Variants in ZNF606 observed in about 807,000 individuals in gnomAD.
ZNF606 encodes the protein zinc finger protein 606.
Under a neutral mutation model 74.9 loss-of-function variants are expected in ZNF606, and 37 were observed. The ratio of observed to expected loss-of-function variants is 0.49; its 90% confidence interval spans 0.38 to 0.65. ZNF606 has a LOEUF of 0.65. ZNF606 is among the 30% of genes least tolerant of loss of function. The pLI, the probability that ZNF606 is intolerant of heterozygous loss-of-function variation, is 0.00. For synonymous variants in ZNF606, 328 were observed against 312.4 expected (o/e 1.05, Z -0.53); for missense variants, 852 against 952.9 (o/e 0.89, Z 1.39).
intron 4 of ZNF606, among the ~76,000 whole-genome samples, chr19:57,996,219 G>A (rs746085555): frequency 6.6e-6 from 1 of 152,202 alleles, no homozygotes; most frequent in African/African-American, 2.4e-5. Flanking sequence ...GATGGTAAGG[G>A]GACTGGGCAC....
chr19:57,995,241 CTTCTAGGGG>C (rs2073318143), intron 4 of ZNF606, among the ~76,000 whole-genome samples: 2 of 150,272 alleles, frequency 1.3e-5, no homozygotes, highest in African/African-American at 4.9e-5. Flanking sequence ...TACAATTCTG[CTTCTAGGGG>C]TATGCCTAGA....
intron 4 of ZNF606, among the ~76,000 whole-genome samples, chr19:57,997,096 A>G (rs1358542996): frequency 6.6e-6 from 1 of 152,196 alleles, no homozygotes; most frequent in African/African-American, 2.4e-5. Context: ...GAAAACATAA[A>G]TAGATTGTGC....
chr19:57,986,212 G>T (rs942705374), intron 6 of ZNF606, among the ~76,000 whole-genome samples: 7 of 152,060 alleles, frequency 4.6e-5, no homozygotes, highest in African/African-American at 1.4e-4. Context: ...GCTGGCTGGG[G>T]ATAGTGACTC....
intron 6 of ZNF606, among the ~76,000 whole-genome samples, chr19:57,985,971 G>C (rs997365355): frequency 2.0e-5 from 3 of 151,760 alleles, no homozygotes; most frequent in African/African-American, 7.3e-5. Flanking sequence ...AAGCCGAAGA[G>C]AGAATCCTGA....
chr19:57,995,945 AAAG>A (rs1356749419), intron 4 of ZNF606, among the ~76,000 whole-genome samples: 3 of 152,238 alleles, frequency 2.0e-5, no homozygotes, highest in Admixed American at 6.5e-5. Flanking sequence ...ACAAAGAGTA[AAAG>A]AAGAAAAACA....
upstream of ZNF606, chr19:58,002,984 C>T: frequency 2.2e-6 from 1 of 455,794 alleles, no homozygotes; most frequent in South Asian, 1.6e-5. Flanking sequence ...GCAGGATGGA[C>T]TTTGTTGTCC....
At chr19:57,986,544 T>G (rs915291424) in intron 6 of ZNF606, among the ~76,000 whole-genome samples, 3 of 152,160 alleles carry the variant, frequency 2.0e-5, no homozygotes, top group Non-Finnish European at 4.4e-5. Context: ...GCAATAAAGA[T>G]AGCTACATAA....
chr19:57,995,101 G>C (rs1308583742), intron 4 of ZNF606, among the ~76,000 whole-genome samples: 1 of 147,724 alleles, frequency 6.8e-6, no homozygotes, highest in East Asian at 2.0e-4. Flanking sequence ...TGAGGCAGGA[G>C]AATCACTTGA....
intron 4 of ZNF606, among the ~76,000 whole-genome samples, chr19:57,991,282 C>A (rs150643732): frequency 1.4e-4 from 21 of 152,298 alleles, no homozygotes; most frequent in Non-Finnish European, 2.6e-4. Context: ...TCACCAAGAT[C>A]TCCCCAATGT....
In ZNF606 at chr19:57,978,127, G is replaced by A. The variant is rs2073017116; in HGVS notation, c.*174C>T. 2.7e-5 allele frequency: 17 copies of A among 618,446 alleles called. No homozygotes were observed. The highest frequency in any genetic ancestry group is 3.6e-5 in the Non-Finnish European group (14 of 392,890). The allele number at this position is 618,446 out of a possible 1,614,324, so 38.3% of individuals were successfully genotyped here. A position where few individuals can be genotyped will look rare whatever the true frequency, so the allele number is the denominator to read the frequency against. On this transcript the variant is annotated 3_prime_UTR_variant, in exon 7 of 7. Coordinates refer to ENST00000551380, the MANE Select transcript of ZNF606 (RefSeq NM_001348022.3). The surrounding 1 kb of genome is among the most constrained non-coding windows in gnomAD (Gnocchi z 4.4). Reference sequence around the variant, plus strand: ...AGTAAGGGCTAAATAACTGCTGAAAGCTTTTCCCTATTCTTTTCCTTCATG... The same window carrying A: ...AGTAAGGGCTAAATAACTGCTGAAAACTTTTCCCTATTCTTTTCCTTCATG...
At chr19:57,994,339 ACAGAAGAGCC>A (rs1267616552) in intron 4 of ZNF606, among the ~76,000 whole-genome samples, 3 of 152,134 alleles carry the variant, frequency 2.0e-5, no homozygotes, top group Non-Finnish European at 4.4e-5. Context: ...CCAGCAGCTA[ACAGAAGAGCC>A]CAGAAAGAGA....
intron 4 of ZNF606, among the ~76,000 whole-genome samples, chr19:57,995,800 T>C (rs535091686): frequency 1.3e-5 from 2 of 152,094 alleles, no homozygotes; most frequent in African/African-American, 2.4e-5. Context: ...GTATGGGCAA[T>C]GCAGTGTGAC....
intron 6 of ZNF606, among the ~76,000 whole-genome samples, chr19:57,986,929 A>AT (rs986386614): frequency 6.6e-6 from 1 of 151,700 alleles, no homozygotes. Context: ...ACAAAAAAAA[A>AT]TTTTTTTTTA....
rs1010978394 is a variant in ZNF606, at chr19:57,980,207, C to T, written c.473G>A (p.Gly158Asp). The T allele has an allele frequency of 1.2e-6, 2 of 1,613,968 alleles. No homozygotes were observed. Among genetic ancestry groups the T allele is most frequent in the Non-Finnish European group, 1.7e-6 (2 of 1,180,032 alleles). The change falls in exon 7 of 7, where the codon GGC becomes GAC. Residue 158 changes from glycine (G) to aspartate (D), a missense_variant. Physicochemically the swap from Gly to Asp is moderately conservative, Grantham distance 94 (BLOSUM62 -1). Coordinates refer to ENST00000551380, the MANE Select transcript of ZNF606 (RefSeq NM_001348022.3). ...QSIFEEEQSH[G>D]MKLERYIWDD... The stretch of plus-strand genomic sequence containing the variant: ...CCATATATATCTTTCCAACTTCATG[C>T]CATGGGATTGTTCTTCCTCAAAAAT...
intron 4 of ZNF606, chr19:57,998,756 G>T (rs2073374343): frequency 1.3e-5 from 2 of 152,080 alleles, no homozygotes; most frequent in African/African-American, 2.4e-5. Flanking sequence ...TTTTTAAGTG[G>T]CTGCATCTGG....
intron 4 of ZNF606, among the ~76,000 whole-genome samples, chr19:57,989,970 T>C (rs1395167194): frequency 1.5e-5 from 2 of 136,118 alleles, no homozygotes; most frequent in Non-Finnish European, 3.0e-5. Flanking sequence ...GAGAATCGCT[T>C]GAACCAGGGA....
intron 3 of ZNF606, chr19:58,000,290 T>C: frequency 2.1e-6 from 1 of 472,554 alleles, no homozygotes; most frequent in Non-Finnish European, 3.7e-6. Context: ...GGCACGATCT[T>C]GGCTCACTGC....
In ZNF606 at chr19:57,979,473, T is replaced by C; in HGVS notation, c.1207A>G (p.Asn403Asp). ...TYTAEKPYDY[N>D]ECGTSFIWSS... ...CAGATGAAAGACGTCCCACATTCAT[T>C]GTAGTCATAGGGTTTCTCTGCAGTG... Residue 403 changes from asparagine to aspartate, a missense_variant, in exon 7 of 7, where the codon AAT (asparagine) becomes GAT (aspartate). By Grantham distance (23) the Asn-to-Asp change is conservative (BLOSUM62 1). Transcript: ENST00000551380. 1.2e-6 allele frequency: 2 copies of C among 1,614,166 alleles called. No individual in the cohort carries two copies. The highest frequency in any genetic ancestry group is 1.7e-6 in the Non-Finnish European group (2 of 1,180,034).
chr19:57,999,498 C>G (rs186832984), intron 4 of ZNF606: 2 of 473,530 alleles, frequency 4.2e-6, no homozygotes, highest in East Asian at 6.4e-5. Context: ...CAGCCTAAAT[C>G]GGGTGCTAAA....
Sources: allele counts gnomAD v4.1 joint callset (sites outside exome capture counted in the v4.1 genomes callset), GRCh38; gene constraint gnomAD v4.1.1; non-coding constraint Gnocchi (gnomAD v3.1); transcripts MANE v1.5; gene names NCBI Gene and HGNC (gene_info 2026-07-23, HGNC 2026-07-21).